Variants in SLC19A3 observed in about 807,000 individuals in gnomAD.
SLC19A3 encodes thiamine transporter 2.
Under a neutral mutation model 40.2 loss-of-function variants are expected in SLC19A3, and 31 were observed. The ratio of observed to expected loss-of-function variants is 0.77; its 90% confidence interval spans 0.58 to 1.04. SLC19A3 has a LOEUF of 1.04. SLC19A3 is among the 50% of genes least tolerant of loss of function. SLC19A3 has a pLI of 0.00. For synonymous variants in SLC19A3, 212 were observed against 227.5 expected (o/e 0.93, Z 0.61); for missense variants, 592 against 596.7 (o/e 0.99, Z 0.08).
chr2:227,698,848 T>A lies in SLC19A3; in HGVS notation c.867A>T (p.Thr289=). Residue 289 remains threonine, a synonymous_variant, in exon 3 of 6, where the codon ACA becomes ACT. Coordinates refer to ENST00000644224, the MANE Select transcript of SLC19A3 (RefSeq NM_025243.4). ...FYWSLWWAFA[T]AGFNQVLNYV... is the part of the protein sequence containing the mutation. Reference sequence around the variant, plus strand: ...AGTTCAAAACCTGGTTAAAACCTGCTGTGGCGAAAGCCCACCATAGAGACC... The same window carrying A: ...AGTTCAAAACCTGGTTAAAACCTGCAGTGGCGAAAGCCCACCATAGAGACC... The A allele has an allele frequency of 6.2e-7, 1 of 1,614,220 alleles. No homozygotes were observed. The highest frequency in any genetic ancestry group is 8.5e-7 in the Non-Finnish European group (1 of 1,180,034).
rs2106315874 is a variant in SLC19A3 at position 227,686,166 on chromosome 2, C to T, written c.*1231G>A. On this transcript the variant is annotated 3_prime_UTR_variant, in exon 6 of 6. Coordinates refer to ENST00000644224, the MANE Select transcript of SLC19A3 (RefSeq NM_025243.4). ...GAGCCAAGATCACGCCATTGCATTC[C>T]AGCCTGGGTGAGAGAGCGAGACTGT... 2.2e-6 allele frequency: 1 copy of T among 445,888 alleles called. No individual in the cohort carries two copies. Among genetic ancestry groups the T allele is most frequent in the South Asian group, 1.6e-5 (1 of 62,856 alleles). 27.6% of individuals were successfully genotyped at this position (445,888 alleles called of 1,614,324 possible). A position where few individuals can be genotyped will look rare whatever the true frequency, so the allele number is the denominator to read the frequency against.
At chr2:227,715,565 AT>A (rs1696306468) in intron 1 of SLC19A3, among the ~76,000 whole-genome samples, 1 of 152,106 alleles carries the variant, frequency 6.6e-6, no homozygotes, top group South Asian at 2.1e-4. Flanking sequence ...ATTTTATCAT[AT>A]ATGGTACCAT....
chr2:227,696,595 C>T (rs1695446093), intron 3 of SLC19A3, among the ~76,000 whole-genome samples: 2 of 152,078 alleles, frequency 1.3e-5, no homozygotes, highest in African/African-American at 2.4e-5. Flanking sequence ...TTATTATGAA[C>T]CTTTAGTAAT....
In SLC19A3 at chr2:227,703,758, TG is replaced by T. The variant is rs1293429709; in HGVS notation, c.-2-1439del. On this transcript the variant is annotated intron_variant, in intron 1 of 5. Transcript: ENST00000644224. This position sits in a 1 kb window ranked among gnomAD's most constrained non-coding sequence, Gnocchi z 4.7. ...GTCATCTTCTGAAGAGTGGTCTTGC[TG>T]GGGTAGCATCTGCTGGCTCTATATC... is the stretch of plus-strand genomic sequence containing the variant. Among the ~76,000 whole-genome samples, 1 of 152,156 alleles carries T rather than the reference TG, an allele frequency of 6.6e-6. No homozygotes were observed. The highest frequency in any genetic ancestry group is 1.5e-5 in the Non-Finnish European group (1 of 68,020).
chr2:227,702,649 G>A (rs1157351182), intron 1 of SLC19A3: 1 of 325,254 alleles, frequency 3.1e-6, no homozygotes, highest in Non-Finnish European at 5.9e-6. Flanking sequence ...TGCTTGAAAT[G>A]CAAGCTTTAG....
At chr2:227,702,350 A>C in intron 1 of SLC19A3, 30 bp from the exon 2 acceptor site, 1 of 1,612,246 alleles carries the variant, frequency 6.2e-7, no homozygotes, top group South Asian at 1.1e-5. Flanking sequence ...GAGAAAATTA[A>C]GTGATGCTTA....
At position 227,684,994 on chromosome 2, in the gene SLC19A3, A is replaced by AG. The variant is rs1180506703; in HGVS notation, c.*2402_*2403insC. ...CAAGATTCTATCAAAAAAAAAAAAAAAAAAAAAAAAAGAAGAAGAAGAAAA... is the reference window on the plus strand; with the variant it reads ...CAAGATTCTATCAAAAAAAAAAAAAAGAAAAAAAAAAAGAAGAAGAAGAAAA... On this transcript the variant is annotated 3_prime_UTR_variant, in exon 6 of 6. Coordinates refer to ENST00000644224, the MANE Select transcript of SLC19A3 (RefSeq NM_025243.4). 1.8e-3 allele frequency: 277 copies of AG among 150,564 alleles called. 1 individual carries two copies. The highest frequency in any genetic ancestry group is 6.4e-3 in the African/African-American group (262 of 41,128). The allele number at this position is 150,564 out of a possible 1,614,324, so 9.3% of individuals were successfully genotyped here. A position where few individuals can be genotyped will look rare whatever the true frequency, so the allele number is the denominator to read the frequency against.
chr2:227,709,129 A>C (rs1485151537), intron 1 of SLC19A3, among the ~76,000 whole-genome samples: 1 of 152,206 alleles, frequency 6.6e-6, no homozygotes, highest in Admixed American at 6.5e-5. Flanking sequence ...TATGTCCACA[A>C]ATATTTCCAA....
chr2:227,712,309 G>A (rs1213549996), intron 1 of SLC19A3, among the ~76,000 whole-genome samples: 1 of 151,942 alleles, frequency 6.6e-6, no homozygotes, highest in Non-Finnish European at 1.5e-5. Context: ...AGACTGAAGA[G>A]AAAATAGTCT....
At chr2:227,713,446 G>C (rs895682626) in intron 1 of SLC19A3, among the ~76,000 whole-genome samples, 1 of 150,716 alleles carries the variant, frequency 6.6e-6, no homozygotes, top group African/African-American at 2.4e-5. Flanking sequence ...CTTTTCAAGA[G>C]TGATTAGATC....
rs1228405025 is a variant in SLC19A3 at position 227,699,070 on chromosome 2, T to C, written c.645A>G (p.Pro215=). The C allele has an allele frequency of 6.2e-7, 1 of 1,614,218 alleles. No individual in the cohort carries two copies. The highest frequency in any genetic ancestry group is 8.5e-7 in the Non-Finnish European group (1 of 1,180,030). Residue 215 remains proline, a synonymous_variant, in exon 3 of 6, where the codon CCA becomes CCG. Coordinates refer to ENST00000644224, the MANE Select transcript of SLC19A3 (RefSeq NM_025243.4). ...CACCTTCGTGAGTTTCCTCTAATAC[T>C]GGATTCACGCTTGATGACTTCTTTA... The part of the protein sequence containing the change: ...REIKKSSSVN[P]VLEETHEGEA...
In SLC19A3 at chr2:227,698,872, C is replaced by A; in HGVS notation, c.843G>T (p.Trp281Cys). ...ECYSSKRLFY[W>C]SLWWAFATAG... ...CTGTGGCGAAAGCCCACCATAGAGA[C>A]CAGTAGAAAAGACGTTTTGAGGAGT... The change falls in exon 3 of 6, where the codon TGG becomes TGT. Residue 281 changes from tryptophan (W) to cysteine (C), a missense_variant. Physicochemically the swap from Trp to Cys is radical, Grantham distance 215. Coordinates refer to ENST00000644224, the MANE Select transcript of SLC19A3 (RefSeq NM_025243.4). 2.5e-6 allele frequency: 4 copies of A among 1,614,126 alleles called. No individual in the cohort carries two copies. The highest frequency in any genetic ancestry group is 3.4e-6 in the Non-Finnish European group (4 of 1,180,012).
rs1324687140 is a variant in SLC19A3, at chr2:227,698,961, G to A, written c.754C>T (p.Leu252=). Residue 252 remains leucine (L), a synonymous_variant, in exon 3 of 6, where the codon CTG becomes TTG. Coordinates refer to ENST00000644224, the MANE Select transcript of SLC19A3 (RefSeq NM_025243.4). The stretch of plus-strand genomic sequence containing the variant: ...TCCACAGTCACATTGCTTGGTTTCA[G>A]GCTGTTCAGCTGGCCCTTATTCAGC... ...GKLNKGQLNS[L]KPSNVTVDVF... 6.2e-7 allele frequency: 1 copy of A among 1,614,100 alleles called. No homozygotes were observed. Among genetic ancestry groups the A allele is most frequent in the Non-Finnish European group, 8.5e-7 (1 of 1,180,042 alleles).
At chr2:227,714,702 CCAA>C (rs1559260919) in intron 1 of SLC19A3, 2 of 245,230 alleles carry the variant, frequency 8.2e-6, no homozygotes, top group African/African-American at 7.2e-5. Context: ...GAAATCCCAT[CCAA>C]AAAAAAAAAA....
intron 1 of SLC19A3, among the ~76,000 whole-genome samples, chr2:227,710,625 C>T (rs1462507410): frequency 6.6e-6 from 1 of 152,156 alleles, no homozygotes; most frequent in African/African-American, 2.4e-5. Flanking sequence ...ACGAATCTTA[C>T]AGAGCATGAT....
rs575962823 is a variant in SLC19A3, at chr2:227,685,528, G to T, written c.*1869C>A. 15 of 152,308 alleles carry T rather than the reference G, an allele frequency of 9.8e-5. No homozygotes were observed. The highest frequency in any genetic ancestry group is 3.6e-4 in the African/African-American group (15 of 41,566). 9.4% of individuals were successfully genotyped at this position (152,308 alleles called of 1,614,324 possible). A position where few individuals can be genotyped will look rare whatever the true frequency, so the allele number is the denominator to read the frequency against. ...CTAACATTGGGGATTACACTTCAACGTGAGATTTGGTGGGGACACAGATCC... is the reference window on the plus strand; with the variant it reads ...CTAACATTGGGGATTACACTTCAACTTGAGATTTGGTGGGGACACAGATCC... On this transcript the variant is annotated 3_prime_UTR_variant, in exon 6 of 6. Transcript: ENST00000644224.
At chr2:227,695,834 AAGAC>A in intron 4 of SLC19A3, 51 bp downstream of exon 4, 8 of 1,553,330 alleles carry the variant, frequency 5.2e-6, no homozygotes, top group Non-Finnish European at 7.1e-6. Context: ...AAAGTTTAGA[AAGAC>A]AGAAGAGAGA....
intron 3 of SLC19A3, among the ~76,000 whole-genome samples, chr2:227,696,550 T>C (rs1443866056): frequency 1.3e-5 from 2 of 152,186 alleles, no homozygotes; most frequent in Non-Finnish European, 2.9e-5. Context: ...ATTGAAAGTT[T>C]TAGTCTTTTT....
chr2:227,711,255 T>C (rs1197469253), intron 1 of SLC19A3, among the ~76,000 whole-genome samples: 1 of 151,780 alleles, frequency 6.6e-6, no homozygotes, highest in Non-Finnish European at 1.5e-5. Flanking sequence ...CCGTCTCTAA[T>C]ACAAATACAA....
Sources: gnomAD v4.1 joint callset for allele counts (sites outside exome capture counted in the v4.1 genomes callset) on GRCh38, gnomAD v4.1.1 for gene constraint, Gnocchi (gnomAD v3.1) non-coding constraint, MANE v1.5 for transcripts, NCBI Gene and HGNC (gene_info 2026-07-23, HGNC 2026-07-21) for gene names.